ARMC8: variants seen among roughly 807,000 people sequenced by gnomAD.
ARMC8 encodes the protein armadillo repeat containing 8, also known as armadillo repeat-containing protein 8.
In ARMC8, 20 loss-of-function variants were observed where a neutral mutation model predicts 99.3. That is an observed-to-expected ratio of 0.20 (90% confidence interval 0.14 to 0.29). ARMC8 has a LOEUF of 0.29. Among genes scored for constraint, ARMC8 ranks in the 10% least tolerant of loss-of-function variants. The probability of loss-of-function intolerance (pLI) is 1.00; values close to 1 mark genes in which losing one functional copy is unlikely to be tolerated. For synonymous variants in ARMC8, 263 were observed against 278.3 expected, an observed-to-expected ratio of 0.95 and a Z score of 0.55; for missense variants, 569 against 809.5, an observed-to-expected ratio of 0.70 and a Z score of 3.60.
At chr3:138,285,667 T>C (rs1434106749) in intron 19 of ARMC8, among the ~76,000 whole-genome samples, 2 of 152,198 alleles carry the variant, frequency 1.3e-5, no homozygotes, top group East Asian at 1.9e-4. Flanking sequence ...TTTAGTGATA[T>C]ATGTTTGTGT....
chr3:138,287,345 CT>C (rs2050531533), intron 19 of ARMC8, among the ~76,000 whole-genome samples: 1 of 152,156 alleles, frequency 6.6e-6, no homozygotes, highest in African/African-American at 2.4e-5. Flanking sequence ...GCCCCTTGCT[CT>C]TTGCACATCT....
intron 1 of ARMC8, among the ~76,000 whole-genome samples, chr3:138,189,537 A>G (rs1022845130): frequency 2.0e-5 from 3 of 152,234 alleles, no homozygotes; most frequent in Non-Finnish European, 4.4e-5. Flanking sequence ...TTAATAAGCT[A>G]CAATGTACCA....
At chr3:138,279,341 G>T (rs2049641953) in intron 18 of ARMC8, among the ~76,000 whole-genome samples, 1 of 151,448 alleles carries the variant, frequency 6.6e-6, no homozygotes. Context: ...TGATTTATAT[G>T]GTGAATTCAT....
intron 20 of ARMC8, 21 bp downstream of exon 20, chr3:138,289,141 G>A (rs2050707403): frequency 6.3e-7 from 1 of 1,596,294 alleles, no homozygotes. Flanking sequence ...GGTGAGATTT[G>A]TTTTGAAAAA....
intron 12 of ARMC8, chr3:138,262,565 C>G (rs200492126): frequency 6.2e-7 from 1 of 1,611,976 alleles, no homozygotes; most frequent in East Asian, 2.2e-5. Context: ...GATCTTCAAC[C>G]TTGGCTGTGT....
intron 12 of ARMC8, among the ~76,000 whole-genome samples, chr3:138,255,059 G>A (rs1043223310): frequency 5.9e-5 from 9 of 152,182 alleles, no homozygotes; most frequent in African/African-American, 2.2e-4. Flanking sequence ...ATTTAATTCA[G>A]TACCTTCAAG....
chr3:138,193,142 T>C (rs2043489636), intron 1 of ARMC8, among the ~76,000 whole-genome samples: 1 of 151,872 alleles, frequency 6.6e-6, no homozygotes, highest in African/African-American at 2.4e-5. Flanking sequence ...CTAATTTTTG[T>C]ATTTTTAGTA....
intron 1 of ARMC8, among the ~76,000 whole-genome samples, chr3:138,198,053 G>T (rs1332160879): frequency 1.3e-5 from 2 of 152,174 alleles, no homozygotes; most frequent in Non-Finnish European, 2.9e-5. Flanking sequence ...TACAGAGCCA[G>T]ATGTGGTGCC....
chr3:138,292,801 A>C (rs984806872), intron 21 of ARMC8, among the ~76,000 whole-genome samples: 4 of 152,196 alleles, frequency 2.6e-5, no homozygotes, highest in African/African-American at 9.6e-5. Context: ...GCAAGTAAAA[A>C]GAGAGAAAGG....
chr3:138,273,821 C>CCT, intron 17 of ARMC8, among the ~76,000 whole-genome samples: 1 of 145,226 alleles, frequency 6.9e-6, no homozygotes, highest in African/African-American at 2.5e-5. Context: ...ATGCTTCCCC[C>CCT]TTTTTTTTTT....
intron 1 of ARMC8, among the ~76,000 whole-genome samples, chr3:138,193,116 C>T (rs1021437377): frequency 2.6e-5 from 4 of 151,286 alleles, no homozygotes; most frequent in African/African-American, 9.7e-5. Context: ...TTACAGATGC[C>T]CACCACCATG....
intron 3 of ARMC8, 84 bp downstream of exon 3, chr3:138,222,081 C>A: frequency 1.0e-6 from 1 of 988,770 alleles, no homozygotes. Context: ...ACCCATTTTT[C>A]CTGTATTGTC....
rs2108143773 is a variant in ARMC8 at position 138,235,258 on chromosome 3, T to C, written c.609+144T>C. 7 of 575,590 alleles carry C rather than the reference T, an allele frequency of 1.2e-5. No homozygotes were observed. The East Asian group carries it at 1.8e-4, about 15-fold the overall frequency. The allele number at this position is 575,590 out of a possible 1,614,324, so 35.7% of individuals were successfully genotyped here. On this transcript the variant is annotated intron_variant, in intron 7 of 21. Transcript: ENST00000469044. ...AAATGTTATAGGGCATCATTTTAGC[T>C]ATAGAATGCTCTTTAAAAAAAAAAA...
intron 12 of ARMC8, 88 bp downstream of exon 12, chr3:138,245,271 A>C (rs191340651): frequency 6.2e-7 from 1 of 1,613,758 alleles, no homozygotes; most frequent in Admixed American, 1.7e-5. Context: ...AAGAGCACTA[A>C]CAGTGACTGT....
intron 12 of ARMC8, among the ~76,000 whole-genome samples, chr3:138,260,201 C>CT (rs1398710939): frequency 3.3e-5 from 5 of 152,308 alleles, no homozygotes; most frequent in Non-Finnish European, 5.9e-5. Context: ...CTTTAGCACT[C>CT]TAAGTAGACC....
intron 18 of ARMC8, among the ~76,000 whole-genome samples, chr3:138,277,592 C>T (rs2049424560): frequency 6.6e-6 from 1 of 152,156 alleles, no homozygotes; most frequent in African/African-American, 2.4e-5. Flanking sequence ...TATGAACAGA[C>T]ACTGCACAAT....
rs771125727 is a variant in ARMC8 at position 138,274,467 on chromosome 3, A to G, written c.1648A>G (p.Ser550Gly). The G allele has an allele frequency of 6.2e-7, 1 of 1,605,010 alleles. No individual in the cohort carries two copies. The stretch of plus-strand genomic sequence containing the variant: ...TTTACAGCATATAGATAAAATAATG[A>G]GTACTCATGGAAAGCAAATTATGCA... ...STRPHIDKIM[S>G]THGKQIMQAV... The change falls in exon 18 of 22, where the codon AGT (serine) becomes GGT (glycine). Residue 550 changes from serine (S) to glycine (G), a missense_variant. Coordinates refer to ENST00000469044, the MANE Select transcript of ARMC8 (RefSeq NM_001363941.2).
chr3:138,237,261 C>A, intron 7 of ARMC8, 48 bp from the exon 8 acceptor site: 1 of 1,525,736 alleles, frequency 6.6e-7, no homozygotes, highest in Non-Finnish European at 9.0e-7. Flanking sequence ...TTAAAATTTG[C>A]ATTTGCAGAA....
intron 2 of ARMC8, among the ~76,000 whole-genome samples, 185 bp from the exon 3 acceptor site, chr3:138,221,741 C>T (rs894136964): frequency 2.0e-5 from 3 of 152,154 alleles, no homozygotes; most frequent in Non-Finnish European, 4.4e-5. Context: ...TTCTACAATA[C>T]GCCGTTTTAC....
Sources: allele counts gnomAD v4.1 joint callset (sites outside exome capture counted in the v4.1 genomes callset), GRCh38; gene constraint gnomAD v4.1.1; transcripts MANE v1.5; gene names NCBI Gene and HGNC (gene_info 2026-07-23, HGNC 2026-07-21).